Variants in PTPRD observed in about 807,000 individuals in gnomAD.
The protein encoded by PTPRD is receptor-type tyrosine-protein phosphatase delta.
Under a neutral mutation model 214.5 loss-of-function variants are expected in PTPRD, and 34 were observed. The observed-to-expected ratio is 0.16, with a 90% CI of 0.12 to 0.21. The LOEUF (loss-of-function observed/expected upper bound fraction) is 0.21. PTPRD is among the 10% of genes least tolerant of loss of function. The pLI is 1.00. For missense variants in PTPRD, 2,545 were observed against 2,398.7 expected (o/e 1.06, Z -1.27); for synonymous variants, 1,128 against 845.7 (o/e 1.33, Z -5.79).
chr9:9,241,979 G>A (rs1489294652), intron 9 of PTPRD, among the ~76,000 whole-genome samples: 1 of 152,010 alleles, frequency 6.6e-6, no homozygotes, highest in Non-Finnish European at 1.5e-5. Context: ...GCAGTGGCTG[G>A]TACCGGTTGT....
At chr9:9,610,007 G>A (rs36075313) in intron 7 of PTPRD, among the ~76,000 whole-genome samples, 23,631 of 152,086 alleles carry the variant, frequency 0.16, 2,339 homozygotes, top group Non-Finnish European at 0.22. Context: ...ATGCCTGGTG[G>A]GTCCCTTCTT....
intron 14 of PTPRD, among the ~76,000 whole-genome samples, chr9:8,625,213 T>C (rs1273824439): frequency 6.6e-6 from 1 of 151,426 alleles, no homozygotes; most frequent in African/African-American, 2.4e-5. Context: ...ATATATATAC[T>C]ACATGTACAA....
chr9:8,971,856 C>A (rs2099240528), intron 11 of PTPRD, among the ~76,000 whole-genome samples: 1 of 151,456 alleles, frequency 6.6e-6, no homozygotes, highest in African/African-American at 2.4e-5. Context: ...GAAGAATAAG[C>A]CATTTCTAAA....
intron 12 of PTPRD, among the ~76,000 whole-genome samples, chr9:8,708,369 T>C: frequency 6.6e-6 from 1 of 151,874 alleles, no homozygotes; most frequent in East Asian, 1.9e-4. Flanking sequence ...GGAAGTTCCT[T>C]AAATATGAAA....
Position 8,855,960 on chromosome 9 carries a change from CTGCCACAGAAT to C in PTPRD, c.-103-122025_-103-122015del, listed in dbSNP as rs2097907676. ...TAGCATGAGGGTGAATTTAAGAAAT[CTGCCACAGAAT>C]TGCTAGCTCCATTGAAAAGCAAAGT... On this transcript the variant is annotated intron_variant, in intron 11 of 45. Transcript: ENST00000381196. Among the ~76,000 whole-genome samples the C allele has an allele frequency of 2.0e-5, 3 of 152,158 alleles. No individual in the cohort carries two copies. The South Asian group carries it at 6.2e-4, about 32-fold the overall frequency.
Position 8,324,101 on chromosome 9 carries a change from ATT to A in PTPRD, c.5535-4137_5535-4136del, listed in dbSNP as rs200231613. Among the ~76,000 whole-genome samples the A allele has an allele frequency of 4.3e-3, 626 of 145,468 alleles. 4 individuals carry two copies. Among genetic ancestry groups the A allele is most frequent in the African/African-American group, 0.015 (590 of 39,796 alleles). ...ACCGGAGGCTCAGATGATGATTAGC[ATT>A]TTTTTTTTTTTTTAAACTTTAAGTT... is the stretch of plus-strand genomic sequence containing the variant. On this transcript the variant is annotated intron_variant, in intron 44 of 45. Coordinates refer to ENST00000381196, the MANE Select transcript of PTPRD (RefSeq NM_002839.4).
intron 34 of PTPRD, among the ~76,000 whole-genome samples, chr9:8,436,975 T>C (rs1415892729): frequency 3.3e-5 from 5 of 152,190 alleles, no homozygotes; most frequent in Non-Finnish European, 1.5e-5. Flanking sequence ...GGTTAGCTAG[T>C]GGAAAAAACT....
intron 5 of PTPRD, among the ~76,000 whole-genome samples, chr9:9,770,944 G>A (rs754173618): frequency 1.3e-5 from 2 of 152,104 alleles, no homozygotes; most frequent in Non-Finnish European, 2.9e-5. Context: ...GGTCAAATAT[G>A]CACAGTAATG....
intron 34 of PTPRD, among the ~76,000 whole-genome samples, chr9:8,440,540 C>T (rs2095513448): frequency 6.6e-6 from 1 of 152,158 alleles, no homozygotes. Flanking sequence ...GTCTCAAACT[C>T]CTGACCTCAT....
At chr9:9,535,536 G>T (rs879130709) in intron 8 of PTPRD, among the ~76,000 whole-genome samples, 1 of 152,040 alleles carries the variant, frequency 6.6e-6, no homozygotes, top group Non-Finnish European at 1.5e-5. Flanking sequence ...AGGGAGCTTT[G>T]AAAACAATGT....
At chr9:9,120,171 T>G (rs906919806) in intron 10 of PTPRD, among the ~76,000 whole-genome samples, 1 of 152,228 alleles carries the variant, frequency 6.6e-6, no homozygotes, top group African/African-American at 2.4e-5. Flanking sequence ...CATTGGCATC[T>G]TGAAGGCTTT....
chr9:9,587,084 G>A (rs2154321028), intron 7 of PTPRD, among the ~76,000 whole-genome samples: 1 of 151,980 alleles, frequency 6.6e-6, no homozygotes, highest in South Asian at 2.1e-4. Flanking sequence ...TGTGTTATGT[G>A]AATATAATTG....
intron 14 of PTPRD, among the ~76,000 whole-genome samples, chr9:8,632,912 C>A (rs2096296822): frequency 6.6e-6 from 1 of 151,918 alleles, no homozygotes. Flanking sequence ...GGCTAAGGTT[C>A]TTTCTTTAAT....
chr9:9,661,217 T>C (rs1244903904), intron 7 of PTPRD, among the ~76,000 whole-genome samples: 1 of 151,956 alleles, frequency 6.6e-6, no homozygotes, highest in Non-Finnish European at 1.5e-5. Context: ...CTCATTTCTC[T>C]ACATTCCATT....
At chr9:10,157,107 T>C (rs917834940) in intron 3 of PTPRD, among the ~76,000 whole-genome samples, 34 of 152,196 alleles carry the variant, frequency 2.2e-4, no homozygotes, top group East Asian at 3.9e-4. Flanking sequence ...TGCCTTTTGA[T>C]TGGGGGCATT....
intron 8 of PTPRD, among the ~76,000 whole-genome samples, chr9:9,463,177 G>A (rs1229167099): frequency 1.3e-5 from 2 of 152,126 alleles, no homozygotes; most frequent in African/African-American, 4.8e-5. Flanking sequence ...CAGTTGTGAG[G>A]TCATTTGGAT....
chr9:10,433,342 C>T (rs1173086923), intron 2 of PTPRD, among the ~76,000 whole-genome samples: 1 of 151,950 alleles, frequency 6.6e-6, no homozygotes, highest in African/African-American at 2.4e-5. Flanking sequence ...TTCAGCACTT[C>T]TTATCACAGG....
chr9:9,195,082 T>G (rs561622375), intron 9 of PTPRD, among the ~76,000 whole-genome samples: 1,968 of 88,758 alleles, frequency 0.022, 17 homozygotes, highest in South Asian at 0.042. Flanking sequence ...ATGTGTGTGT[T>G]TGTGTATATA....
intron 7 of PTPRD, among the ~76,000 whole-genome samples, chr9:9,584,982 C>T (rs866406881): frequency 6.6e-6 from 1 of 151,978 alleles, no homozygotes; most frequent in Non-Finnish European, 1.5e-5. Flanking sequence ...ATACCATGTT[C>T]CTTTTAAAGT....
Sources: gnomAD v4.1 joint callset for allele counts (sites outside exome capture counted in the v4.1 genomes callset) on GRCh38, gnomAD v4.1.1 for gene constraint, MANE v1.5 for transcripts, NCBI Gene and HGNC (gene_info 2026-07-23, HGNC 2026-07-21) for gene names.